DOCK5: variants seen among roughly 807,000 people sequenced by gnomAD.
DOCK5 encodes the protein dedicator of cytokinesis 5.
A neutral mutation model predicts 251.8 loss-of-function variants in DOCK5; 142 were observed. The observed-to-expected ratio is 0.56, with a 90% CI of 0.49 to 0.65. DOCK5 has a LOEUF of 0.65. Among genes scored for constraint, DOCK5 ranks in the 30% least tolerant of loss-of-function variants. The pLI is 0.00. For missense variants in DOCK5, 2,111 were observed against 2,312.3 expected (o/e 0.91, Z 1.79); for synonymous variants, 842 against 835.5 (o/e 1.01, Z -0.13).
At chr8:25,300,055 G>A (rs1433665031) in intron 8 of DOCK5, among the ~76,000 whole-genome samples, 2 of 152,058 alleles carry the variant, frequency 1.3e-5, no homozygotes, top group African/African-American at 4.8e-5. Flanking sequence ...ACAGGCACCT[G>A]CCACCATGCC....
chr8:25,324,961 A>G (rs1007688189), intron 17 of DOCK5, among the ~76,000 whole-genome samples: 5 of 151,932 alleles, frequency 3.3e-5, no homozygotes, highest in Admixed American at 2.6e-4. Flanking sequence ...CCATGTCCCT[A>G]CAAAGGACAT....
intron 1 of DOCK5, among the ~76,000 whole-genome samples, chr8:25,213,396 C>T (rs999037357): frequency 6.8e-6 from 1 of 147,234 alleles, no homozygotes. Flanking sequence ...CTGATAATCT[C>T]TAGGTTTCAT....
chr8:25,345,989 A>G (rs1800359254), intron 26 of DOCK5, among the ~76,000 whole-genome samples: 1 of 152,136 alleles, frequency 6.6e-6, no homozygotes, highest in South Asian at 2.1e-4. Context: ...AGCTGGGACT[A>G]CAGGCGCCCG....
rs767401675 is a variant in DOCK5 at position 25,310,436 on chromosome 8, G to T, written c.1222G>T (p.Gly408Cys). ...GLWVSLKLLP[G>C]DLTQVQKNFS... Reference sequence around the variant, plus strand: ...TTGGGTATCCTTGAAGCTCTTGCCCGGTGACCTCACCCAGGTTCAGAAGAA... The same window carrying T: ...TTGGGTATCCTTGAAGCTCTTGCCCTGTGACCTCACCCAGGTTCAGAAGAA... Residue 408 changes from glycine to cysteine, a missense_variant, in exon 13 of 52, where the codon GGT (glycine) becomes TGT (cysteine). Gly to Cys is a radical substitution (Grantham distance 159). This residue lies in a region of DOCK5 where 1,717 missense variants were observed against 1,892.4 expected (regional missense o/e 0.91). Coordinates refer to ENST00000276440, the MANE Select transcript of DOCK5 (RefSeq NM_024940.8). 1 of 1,613,096 alleles carries T rather than the reference G, an allele frequency of 6.2e-7. No homozygotes were observed. The highest frequency in any genetic ancestry group is 1.1e-5 in the South Asian group (1 of 90,978).
At position 25,395,523 on chromosome 8, in the gene DOCK5, C is replaced by G; in HGVS notation, c.4528-20C>G. 1 of 1,595,736 alleles carries G rather than the reference C, an allele frequency of 6.3e-7. No individual in the cohort carries two copies. Among genetic ancestry groups the G allele is most frequent in the Non-Finnish European group, 8.5e-7 (1 of 1,175,268 alleles). Reference sequence around the variant, plus strand: ...GGAGCTGACAAGTGTCCTCTTTCTCCCATGTGCTCTGTCACTCAGGAAGAG... The same window carrying G: ...GGAGCTGACAAGTGTCCTCTTTCTCGCATGTGCTCTGTCACTCAGGAAGAG... On this transcript the variant is annotated intron_variant, in intron 44 of 51. Transcript: ENST00000276440.
intron 18 of DOCK5, among the ~76,000 whole-genome samples, chr8:25,330,942 G>T (rs1337000896): frequency 6.6e-6 from 1 of 151,838 alleles, no homozygotes; most frequent in East Asian, 1.9e-4. Flanking sequence ...GCCAGGTGTG[G>T]TGGTGCACCT....
At chr8:25,237,331 C>T (rs1802828296) in intron 1 of DOCK5, among the ~76,000 whole-genome samples, 1 of 152,068 alleles carries the variant, frequency 6.6e-6, no homozygotes, top group African/African-American at 2.4e-5. Flanking sequence ...GATTGTGCCA[C>T]TGTACTCTGG....
intron 28 of DOCK5, 22 bp downstream of exon 28, chr8:25,359,083 T>C (rs777811262): frequency 6.3e-7 from 1 of 1,598,368 alleles, no homozygotes; most frequent in South Asian, 1.1e-5. Flanking sequence ...TTACTGGTCC[T>C]GGTAACCTGA....
chr8:25,379,066 T>C (rs1801017599), intron 38 of DOCK5, among the ~76,000 whole-genome samples: 1 of 152,292 alleles, frequency 6.6e-6, no homozygotes, highest in East Asian at 1.9e-4. Flanking sequence ...CACATGCTTC[T>C]GAGGAAACAG....
At chr8:25,263,921 A>G (rs1264882787) in intron 2 of DOCK5, among the ~76,000 whole-genome samples, 1 of 151,852 alleles carries the variant, frequency 6.6e-6, no homozygotes, top group East Asian at 1.9e-4. Context: ...CCATTCCCCA[A>G]GGTTTTCCTT....
At chr8:25,407,272 A>G (rs1364529657) in intron 48 of DOCK5, among the ~76,000 whole-genome samples, 4 of 152,128 alleles carry the variant, frequency 2.6e-5, no homozygotes, top group Admixed American at 2.6e-4. Context: ...AGTAGTATAT[A>G]GTAATCTAGA....
chr8:25,371,332 G>A (rs531099679), intron 34 of DOCK5, among the ~76,000 whole-genome samples: 7 of 152,286 alleles, frequency 4.6e-5, no homozygotes, highest in South Asian at 2.1e-4. Flanking sequence ...GTGAGCCACC[G>A]TGATGGATGC....
At chr8:25,329,950 C>T (rs1805645325) in intron 18 of DOCK5, among the ~76,000 whole-genome samples, 1 of 152,198 alleles carries the variant, frequency 6.6e-6, no homozygotes, top group Admixed American at 6.5e-5. Flanking sequence ...AAGACCTTAA[C>T]AATTCACCAG....
chr8:25,321,221 G>A (rs975092202), intron 16 of DOCK5, among the ~76,000 whole-genome samples, 169 bp downstream of exon 16: 6 of 152,190 alleles, frequency 3.9e-5, no homozygotes, highest in East Asian at 3.8e-4. Flanking sequence ...TTTGCTGGGC[G>A]TGCAAGGTCT....
In DOCK5 at chr8:25,392,897, A is replaced by G; in HGVS notation, c.4527+15A>G. The G allele has an allele frequency of 1.3e-6, 2 of 1,595,574 alleles. No homozygotes were observed. Among genetic ancestry groups the G allele is most frequent in the Non-Finnish European group, 1.7e-6 (2 of 1,168,486 alleles). On this transcript the variant is annotated intron_variant, in intron 44 of 51. Coordinates refer to ENST00000276440, the MANE Select transcript of DOCK5 (RefSeq NM_024940.8). ...AGATTTCAACAGTGAGTCATTTGAA[A>G]TTGGCATTTAGAAAAAAACTTTCTG... is the stretch of plus-strand genomic sequence containing the variant.
intron 5 of DOCK5, among the ~76,000 whole-genome samples, chr8:25,286,889 C>A (rs147406107): frequency 2.0e-5 from 3 of 152,086 alleles, no homozygotes; most frequent in Non-Finnish European, 4.4e-5. Context: ...GTCTTTAGCC[C>A]ATGCAGGTCT....
intron 9 of DOCK5, among the ~76,000 whole-genome samples, 160 bp from the exon 10 acceptor site, chr8:25,302,165 G>T (rs907936518): frequency 6.6e-6 from 1 of 152,174 alleles, no homozygotes; most frequent in East Asian, 1.9e-4. Flanking sequence ...TGCCATAATA[G>T]CTCTTGGATG....
At chr8:25,313,385 A>ACCTCTCAGCAGCAT (rs1421387693) in intron 13 of DOCK5, among the ~76,000 whole-genome samples, 1 of 152,026 alleles carries the variant, frequency 6.6e-6, no homozygotes, top group Non-Finnish European at 1.5e-5. Context: ...ATCAACTCTG[A>ACCTCTCAGCAGCAT]CCTCTCAGCA....
intron 2 of DOCK5, among the ~76,000 whole-genome samples, chr8:25,263,224 C>T (rs1214121730): frequency 4.1e-3 from 12 of 2,910 alleles, no homozygotes; most frequent in East Asian, 0.17. Context: ...TGTCCTCCTC[C>T]CTTGTTTGGG....
Sources: allele counts gnomAD v4.1 joint callset (sites outside exome capture counted in the v4.1 genomes callset), GRCh38; gene constraint gnomAD v4.1.1; regional missense constraint gnomAD v4.1.1; transcripts MANE v1.5; gene names NCBI Gene and HGNC (gene_info 2026-07-23, HGNC 2026-07-21).